The following PRDM16 variants were observed in gnomAD, a reference collection of about 807,000 sequenced individuals.
The protein encoded by PRDM16 is histone-lysine N-methyltransferase PRDM16.
A neutral mutation model predicts 110.6 loss-of-function variants in PRDM16; 23 were observed. The observed-to-expected ratio is 0.21, with a 90% CI of 0.15 to 0.29. The LOEUF is 0.29. Among genes scored for constraint, PRDM16 ranks in the 10% least tolerant of loss-of-function variants. The probability of loss-of-function intolerance (pLI) is 1.00; values close to 1 mark genes in which losing one functional copy is unlikely to be tolerated. For synonymous variants in PRDM16, 799 were observed against 781.8 expected (o/e 1.02, Z -0.37); for missense variants, 1,615 against 1,794.3 (o/e 0.90, Z 1.81).
chr1:3,427,925 G>C (rs893128346), intron 14 of PRDM16, among the ~76,000 whole-genome samples: 3 of 152,160 alleles, frequency 2.0e-5, no homozygotes, highest in Admixed American at 6.5e-5. Context: ...GGAGCTGTTC[G>C]TGTTCCCTGC....
chr1:3,409,001 G>A (rs547448466), intron 8 of PRDM16, among the ~76,000 whole-genome samples: 1 of 151,656 alleles, frequency 6.6e-6, no homozygotes, highest in Admixed American at 6.6e-5. Context: ...GTGAGGGTTG[G>A]CGTGTGAGCC....
chr1:3,392,067 C>T (rs1643309655), intron 4 of PRDM16, among the ~76,000 whole-genome samples: 1 of 152,236 alleles, frequency 6.6e-6, no homozygotes, highest in Admixed American at 6.5e-5. Context: ...GCCACCTCCG[C>T]TAAAACCAAA....
At chr1:3,253,670 C>T (rs1414313849) in intron 3 of PRDM16, among the ~76,000 whole-genome samples, 1 of 152,066 alleles carries the variant, frequency 6.6e-6, no homozygotes, top group East Asian at 1.9e-4. Flanking sequence ...AATAAACATA[C>T]GTGTGCATGT....
At chr1:3,099,527 C>T (rs1472595680) in intron 1 of PRDM16, among the ~76,000 whole-genome samples, 11 of 152,304 alleles carry the variant, frequency 7.2e-5, no homozygotes, top group South Asian at 4.1e-4. Flanking sequence ...ATCCTGCGGG[C>T]GGCTCCTGGG....
intron 1 of PRDM16, among the ~76,000 whole-genome samples, chr1:3,181,003 C>CAA (rs1644151273): frequency 1.4e-5 from 2 of 140,338 alleles, no homozygotes; most frequent in Non-Finnish European, 3.2e-5. Flanking sequence ...CACGATCTTA[C>CAA]ACGCGGTCTT....
intron 1 of PRDM16, among the ~76,000 whole-genome samples, chr1:3,074,035 A>G (rs1641832656): frequency 6.6e-6 from 1 of 151,954 alleles, no homozygotes; most frequent in African/African-American, 2.4e-5. Flanking sequence ...CTGTAGGGGG[A>G]GGGAAGACGG....
intron 2 of PRDM16, among the ~76,000 whole-genome samples, chr1:3,199,780 T>A (rs1171402078): frequency 6.6e-6 from 1 of 152,224 alleles, no homozygotes; most frequent in Non-Finnish European, 1.5e-5. Flanking sequence ...GACGCCACTC[T>A]GCTGGCCCTT....
rs1253534762 is a variant in PRDM16 at position 3,190,398 on chromosome 1, T to G, written c.387+3924T>G. Reference sequence around the variant, plus strand: ...GTTGCTGGTCGGAAGCCTGCATTCCTTCTACGCTGAGGCTGACGCTTTTGG... The same window carrying G: ...GTTGCTGGTCGGAAGCCTGCATTCCGTCTACGCTGAGGCTGACGCTTTTGG... On this transcript the variant is annotated intron_variant, in intron 2 of 16. Coordinates refer to ENST00000270722, the MANE Select transcript of PRDM16 (RefSeq NM_022114.4). The surrounding 1 kb of genome is among the most constrained non-coding windows in gnomAD (Gnocchi z 5.0). Among the ~76,000 whole-genome samples, 1 of 152,180 alleles carries G rather than the reference T, an allele frequency of 6.6e-6. No homozygotes were observed. Among genetic ancestry groups the G allele is most frequent in the Non-Finnish European group, 1.5e-5 (1 of 68,038 alleles).
intron 12 of PRDM16, among the ~76,000 whole-genome samples, chr1:3,419,519 A>G (rs1199542101): frequency 6.6e-6 from 1 of 152,032 alleles, no homozygotes; most frequent in Admixed American, 6.6e-5. Flanking sequence ...TTTAAGCGAG[A>G]GCCCCAGACA....
Position 3,436,292 on chromosome 1 carries a change from G to A in PRDM16, c.*2481G>A, listed in dbSNP as rs1003045026. 6.1e-5 allele frequency: 14 copies of A among 230,294 alleles called. No homozygotes were observed. The highest frequency in any genetic ancestry group is 1.7e-5 in the Non-Finnish European group (2 of 116,352). The allele number at this position is 230,294 out of a possible 1,614,324, so 14.3% of individuals were successfully genotyped here. A position where few individuals can be genotyped will look rare whatever the true frequency, so the allele number is the denominator to read the frequency against. On this transcript the variant is annotated 3_prime_UTR_variant, in exon 17 of 17. Coordinates refer to ENST00000270722, the MANE Select transcript of PRDM16 (RefSeq NM_022114.4). Reference sequence around the variant, plus strand: ...GTGTCTTTTCAGCAGGAGCAGAACCGATGAGAGCCGCCCTTACCGTTGGTC... The same window carrying A: ...GTGTCTTTTCAGCAGGAGCAGAACCAATGAGAGCCGCCCTTACCGTTGGTC...
chr1:3,262,079 C>A (rs1640175929), intron 3 of PRDM16, among the ~76,000 whole-genome samples: 1 of 152,210 alleles, frequency 6.6e-6, no homozygotes, highest in African/African-American at 2.4e-5. Context: ...CGCCCTCAGG[C>A]ACTTGTGCTT....
chr1:3,212,071 T>C (rs1638898224), intron 2 of PRDM16, among the ~76,000 whole-genome samples: 1 of 152,098 alleles, frequency 6.6e-6, no homozygotes, highest in Non-Finnish European at 1.5e-5. Flanking sequence ...GTAACAAGGC[T>C]CCCGGGGACC....
chr1:3,110,387 T>C (rs1642762693), intron 1 of PRDM16, among the ~76,000 whole-genome samples: 2 of 149,866 alleles, frequency 1.3e-5, no homozygotes, highest in Admixed American at 6.6e-5. Context: ...GGCTCCCCCA[T>C]GTCCTGGGTG....
Position 3,402,895 on chromosome 1 carries a change from T to C in PRDM16, c.781T>C (p.Tyr261His). The C allele has an allele frequency of 6.2e-7, 1 of 1,612,978 alleles. No individual in the cohort carries two copies. The highest frequency in any genetic ancestry group is 1.1e-5 in the South Asian group (1 of 91,082). Residue 261 changes from tyrosine to histidine, a missense_variant, in exon 6 of 17, where the codon TAC (tyrosine) becomes CAC (histidine). Around this residue, in one of 5 missense-constraint regions of PRDM16, gnomAD observed 416 missense variants for 467.1 expected, o/e 0.89. Transcript: ENST00000270722. ...GTGTGGCTCAGTGGGGGCTGCGCTCTACGAGGGCCTGGCTGAGGAGCTCAA... is the reference window on the plus strand; with the variant it reads ...GTGTGGCTCAGTGGGGGCTGCGCTCCACGAGGGCCTGGCTGAGGAGCTCAA... ...YTCGSVGAAL[Y>H]EGLAEELKPE...
At chr1:3,095,325 CA>C (rs1451735180) in intron 1 of PRDM16, among the ~76,000 whole-genome samples, 2 of 131,044 alleles carry the variant, frequency 1.5e-5, no homozygotes, top group Non-Finnish European at 2.9e-5. Context: ...AGTGGAGTAG[CA>C]AACAACTCGG....
Position 3,362,776 on chromosome 1 carries a change from C to T in PRDM16, c.439-22376C>T, listed in dbSNP as rs546684775. 4.6e-5 allele frequency among the ~76,000 whole-genome samples: 7 copies of T among 152,278 alleles called. No homozygotes were observed. The South Asian group carries it at 6.2e-4, about 14-fold the overall frequency. ...ACCTCACAGATCCTAAAATCCCCCC[C>T]GTGGGACGGTCTCCTCCCAGGCTGC... On this transcript the variant is annotated intron_variant, in intron 3 of 16. Transcript: ENST00000270722.
At chr1:3,392,210 G>T (rs1015536353) in intron 4 of PRDM16, among the ~76,000 whole-genome samples, 1 of 152,228 alleles carries the variant, frequency 6.6e-6, no homozygotes, top group African/African-American at 2.4e-5. Flanking sequence ...CTGCTTTCAC[G>T]TGTTTTGTGA....
intron 3 of PRDM16, among the ~76,000 whole-genome samples, chr1:3,304,491 C>T (rs1376710939): frequency 1.3e-5 from 2 of 152,206 alleles, no homozygotes; most frequent in South Asian, 2.1e-4. Flanking sequence ...GCATCCTTGG[C>T]GTCACGGAGC....
rs569372947 is a variant in PRDM16, at chr1:3,099,445, G to A, written c.37+30149G>A. Reference sequence around the variant, plus strand: ...CCCCGGAGCCCCGGATGCTCAGCACGGGGTCCCCAACACCATTGGTAAATG... The same window carrying A: ...CCCCGGAGCCCCGGATGCTCAGCACAGGGTCCCCAACACCATTGGTAAATG... On this transcript the variant is annotated intron_variant, in intron 1 of 16. Transcript: ENST00000270722. Among the ~76,000 whole-genome samples the A allele has an allele frequency of 3.9e-5, 6 of 152,356 alleles. No individual in the cohort carries two copies. The South Asian group carries it at 6.2e-4, about 16-fold the overall frequency.
Sources: allele counts gnomAD v4.1 joint callset (sites outside exome capture counted in the v4.1 genomes callset), GRCh38; gene constraint gnomAD v4.1.1; regional missense constraint gnomAD v4.1.1; non-coding constraint Gnocchi (gnomAD v3.1); transcripts MANE v1.5; gene names NCBI Gene and HGNC (gene_info 2026-07-23, HGNC 2026-07-21).